ALK: variants seen among roughly 807,000 people sequenced by gnomAD.
The protein encoded by ALK is ALK receptor tyrosine kinase.
ALK carries 74 observed loss-of-function variants against 163.1 expected under a neutral mutation model. The ratio of observed to expected loss-of-function variants is 0.45; its 90% CI spans 0.38 to 0.55. The LOEUF (loss-of-function observed/expected upper bound fraction) is 0.55. Ranked by LOEUF, ALK falls within the 20% of genes least tolerant of loss-of-function variation. The pLI, the probability that ALK is intolerant of heterozygous loss-of-function variation, is 0.00. For missense variants in ALK, 2,063 were observed against 2,105.3 expected (o/e 0.98, Z 0.39); for synonymous variants, 960 against 843.2 (o/e 1.14, Z -2.40).
chr2:29,870,512 A>G (rs1474339129), intron 1 of ALK, among the ~76,000 whole-genome samples: 1 of 152,188 alleles, frequency 6.6e-6, no homozygotes, highest in African/African-American at 2.4e-5. Flanking sequence ...TTGCAATTCA[A>G]TGTGAGATTG....
chr2:29,784,268 T>A (rs1165738064), intron 1 of ALK, among the ~76,000 whole-genome samples: 2 of 152,200 alleles, frequency 1.3e-5, no homozygotes, highest in Non-Finnish European at 2.9e-5. Flanking sequence ...CTAATAAACA[T>A]GAATGACGAG....
At chr2:29,337,380 T>C (rs1534543) in intron 5 of ALK, among the ~76,000 whole-genome samples, 152,341 of 152,342 alleles carry the variant, frequency 1, 76,170 homozygotes, top group Middle Eastern at 1. Flanking sequence ...AGCCTTGCCA[T>C]CAGCCCTCTG....
At chr2:29,778,366 T>C (rs770366147) in intron 1 of ALK, among the ~76,000 whole-genome samples, 20 of 152,210 alleles carry the variant, frequency 1.3e-4, no homozygotes, top group Non-Finnish European at 2.8e-4. Flanking sequence ...CCTATGTGGT[T>C]GGACCAGGCT....
At chr2:29,703,272 G>T (rs1678801087) in intron 2 of ALK, among the ~76,000 whole-genome samples, 1 of 152,204 alleles carries the variant, frequency 6.6e-6, no homozygotes, top group Non-Finnish European at 1.5e-5. Flanking sequence ...CGCTGGGCCT[G>T]ACTGTCCTCA....
chr2:29,661,937 A>G (rs1573536101), intron 3 of ALK, among the ~76,000 whole-genome samples: 1 of 152,032 alleles, frequency 6.6e-6, no homozygotes, highest in South Asian at 2.1e-4. Context: ...TTGAGATGGA[A>G]TCTCACTCTG....
At chr2:29,795,095 T>C (rs1664274266) in intron 1 of ALK, among the ~76,000 whole-genome samples, 1 of 151,940 alleles carries the variant, frequency 6.6e-6, no homozygotes, top group Non-Finnish European at 1.5e-5. Flanking sequence ...AGATGGAGGG[T>C]TAGTCCTGAT....
At chr2:29,561,843 G>T (rs1200606716) in intron 3 of ALK, among the ~76,000 whole-genome samples, 2 of 152,134 alleles carry the variant, frequency 1.3e-5, no homozygotes, top group East Asian at 1.9e-4. Context: ...GGGTAGTGGT[G>T]GTGGTTAAAG....
intron 8 of ALK, among the ~76,000 whole-genome samples, chr2:29,307,227 C>A (rs1025267961): frequency 1.3e-5 from 2 of 152,244 alleles, no homozygotes; most frequent in East Asian, 1.9e-4. Context: ...AAAAGAGACT[C>A]AGTGACATCA....
At chr2:29,352,244 T>C (rs1004680083) in intron 5 of ALK, among the ~76,000 whole-genome samples, 2 of 152,232 alleles carry the variant, frequency 1.3e-5, no homozygotes, top group African/African-American at 4.8e-5. Flanking sequence ...GAAAGCCCTT[T>C]GTAAACTGTC....
intron 4 of ALK, among the ~76,000 whole-genome samples, chr2:29,513,212 A>T (rs1446145864): frequency 7.1e-6 from 1 of 140,686 alleles, no homozygotes; most frequent in African/African-American, 2.8e-5. Flanking sequence ...AGCCAAAAGA[A>T]CAAAGTTGGA....
intron 3 of ALK, among the ~76,000 whole-genome samples, chr2:29,623,548 C>A (rs902540726): frequency 6.6e-6 from 1 of 152,112 alleles, no homozygotes; most frequent in African/African-American, 2.4e-5. Context: ...AGGTACTATT[C>A]ACATCTCCAT....
At chr2:29,229,863 G>C (rs918010376) in intron 15 of ALK, among the ~76,000 whole-genome samples, 3 of 152,194 alleles carry the variant, frequency 2.0e-5, no homozygotes, top group African/African-American at 7.2e-5. Context: ...AGAAGCCCTG[G>C]TGGGTGGACG....
intron 3 of ALK, among the ~76,000 whole-genome samples, chr2:29,536,801 A>T (rs1293952693): frequency 6.6e-6 from 1 of 152,224 alleles, no homozygotes; most frequent in Non-Finnish European, 1.5e-5. Context: ...AGGAAGTATC[A>T]AATGGAAATA....
intron 3 of ALK, among the ~76,000 whole-genome samples, chr2:29,656,231 C>G (rs1213161329): frequency 1.3e-5 from 2 of 152,046 alleles, no homozygotes; most frequent in Non-Finnish European, 2.9e-5. Context: ...TTCTTAAAGA[C>G]AAAAGTCTAT....
At chr2:29,427,314 C>T (rs1020210026) in intron 4 of ALK, among the ~76,000 whole-genome samples, 1 of 151,658 alleles carries the variant, frequency 6.6e-6, no homozygotes, top group Admixed American at 6.6e-5. Flanking sequence ...GCTTAAAGGA[C>T]ATAAAATTAT....
Position 29,320,750 on chromosome 2 carries a change from C to G in ALK, c.1546+1G>C, listed in dbSNP as rs2148250829. ...GAGAGAAGGCAGGAGAGCAGTAGTA[C>G]CTTGGTGGTCCTGGAACCGGGCATC... On this transcript the variant is annotated splice_donor_variant, in intron 7 of 28. Transcript: ENST00000389048. LOFTEE classifies it high-confidence loss of function. The G allele has an allele frequency of 6.2e-7, 1 of 1,613,644 alleles. No individual in the cohort carries two copies. Among genetic ancestry groups the G allele is most frequent in the Non-Finnish European group, 8.5e-7 (1 of 1,179,966 alleles).
intron 19 of ALK, 91 bp downstream of exon 19, chr2:29,225,370 G>A (rs558695920): frequency 8.4e-7 from 1 of 1,189,540 alleles, no homozygotes; most frequent in East Asian, 2.5e-5. Flanking sequence ...GCATAACGAA[G>A]TGACACCTTG....
At chr2:29,647,775 C>CTTTT (rs34620705) in intron 3 of ALK, among the ~76,000 whole-genome samples, 5 of 117,198 alleles carry the variant, frequency 4.3e-5, no homozygotes, top group East Asian at 2.5e-4. Flanking sequence ...ATGATTTTTT[C>CTTTT]TTTTTTTTTT....
intron 1 of ALK, among the ~76,000 whole-genome samples, chr2:29,849,082 C>T (rs1474574882): frequency 6.6e-6 from 1 of 152,084 alleles, no homozygotes; most frequent in Non-Finnish European, 1.5e-5. Flanking sequence ...CCTCGAGCTG[C>T]CCCCCATCTC....
Sources: allele counts gnomAD v4.1 joint callset (sites outside exome capture counted in the v4.1 genomes callset), GRCh38; gene constraint gnomAD v4.1.1; transcripts MANE v1.5; gene names NCBI Gene and HGNC (gene_info 2026-07-23, HGNC 2026-07-21).